RNF146: variants seen among roughly 807,000 people sequenced by gnomAD.
RNF146 encodes the protein E3 ubiquitin-protein ligase RNF146.
A neutral mutation model predicts 29.7 loss-of-function variants in RNF146; 11 were observed. That is an observed-to-expected ratio of 0.37 (90% CI 0.23 to 0.61). The LOEUF (loss-of-function observed/expected upper bound fraction) is 0.61. Ranked by LOEUF, RNF146 falls within the 20% of genes least tolerant of loss-of-function variation. The pLI, the probability that RNF146 is intolerant of heterozygous loss-of-function variation, is 0.66. For synonymous variants in RNF146, 150 were observed against 159.7 expected, an observed-to-expected ratio of 0.94 and a Z score of 0.46; for missense variants, 342 against 438.9, an observed-to-expected ratio of 0.78 and a Z score of 1.97.
intron 1 of RNF146, 125 bp from the exon 2 acceptor site, chr6:127,280,106 A>G: frequency 1.9e-6 from 1 of 516,538 alleles, no homozygotes; most frequent in South Asian, 2.7e-5. Context: ...AGCAGTGGTA[A>G]AAGCATGCAT....
intron 1 of RNF146, among the ~76,000 whole-genome samples, chr6:127,276,850 G>C (rs1778278065): frequency 1.3e-5 from 2 of 152,068 alleles, no homozygotes; most frequent in South Asian, 4.1e-4. Flanking sequence ...GTGTTTCTCA[G>C]ATTGTATTTG....
chr6:127,279,987 A>C (rs531622966), intron 1 of RNF146, among the ~76,000 whole-genome samples: 2 of 151,754 alleles, frequency 1.3e-5, no homozygotes, highest in South Asian at 4.1e-4. Flanking sequence ...ATTCTATGAG[A>C]TCTTCTATCT....
chr6:127,275,906 C>T (rs1402191423), intron 1 of RNF146, among the ~76,000 whole-genome samples: 2 of 151,998 alleles, frequency 1.3e-5, no homozygotes, highest in South Asian at 4.1e-4. Context: ...TAATTATTTA[C>T]AGTTTAGATC....
chr6:127,279,911 G>A (rs150733648), intron 1 of RNF146, among the ~76,000 whole-genome samples: 2 of 151,818 alleles, frequency 1.3e-5, no homozygotes, highest in African/African-American at 4.8e-5. Context: ...GAACACAACT[G>A]ATTTTTTTGT....
chr6:127,279,792 C>T (rs1778704997), intron 1 of RNF146, among the ~76,000 whole-genome samples: 1 of 151,732 alleles, frequency 6.6e-6, no homozygotes. Context: ...TGTACAAGTC[C>T]TTCACCTCCT....
chr6:127,283,257 G>T (rs1779129441), intron 2 of RNF146, among the ~76,000 whole-genome samples: 1 of 151,772 alleles, frequency 6.6e-6, no homozygotes, highest in Non-Finnish European at 1.5e-5. Context: ...GAAAGTAAAT[G>T]ATGTATTATA....
chr6:127,270,865 G>C (rs7773638), intron 1 of RNF146, among the ~76,000 whole-genome samples: 1 of 151,316 alleles, frequency 6.6e-6, no homozygotes, highest in Non-Finnish European at 1.5e-5. Context: ...CATTAGGCTG[G>C]AGTGCAGTGG....
chr6:127,287,349 T>C lies in RNF146; in HGVS notation c.736T>C (p.Ser246Pro), dbSNP rs1779656548. ...TGATGCAAGCACTTCTCTGGAAGAC[T>C]CTTTTGCTCATTTACAACTCAGTGG... Reference protein sequence around the residue: ...SPDASTSLEDSFAHLQLSGDN... With the variant: ...SPDASTSLEDPFAHLQLSGDN... The change falls in exon 3 of 3, where the codon TCT (serine) becomes CCT (proline). Residue 246 changes from serine (S) to proline (P), a missense_variant. Ser to Pro is a moderately conservative substitution (Grantham distance 74). Transcript: ENST00000368314. The C allele has an allele frequency of 6.2e-7, 1 of 1,613,490 alleles. No homozygotes were observed.
At position 127,288,359 on chromosome 6, in the gene RNF146, A is replaced by AAAAC. The variant is rs1449784122; in HGVS notation, c.*668_*671dup. 6.0e-6 allele frequency: 1 copy of AAAAC among 166,850 alleles called. No homozygotes were observed. Among genetic ancestry groups the AAAAC allele is most frequent in the Non-Finnish European group, 1.5e-5 (1 of 68,056 alleles). 10.3% of individuals were successfully genotyped at this position (166,850 alleles called of 1,614,324 possible). On this transcript the variant is annotated 3_prime_UTR_variant, in exon 3 of 3. Transcript: ENST00000368314. ...ATTTAATAAATACTAGAGTTTATCAAAAACAGTTTGTCTCTTGTTTGAGGG... is the reference window on the plus strand; with the variant it reads ...ATTTAATAAATACTAGAGTTTATCAAAAACAAACAGTTTGTCTCTTGTTTGAGGG...
chr6:127,286,765 C>T lies in RNF146; in HGVS notation c.152C>T (p.Pro51Leu). ...ACATGTGTTCATCCAGTCAGTCTGCCCTGTAAGCACGTTTTCTGCTATCTA... is the reference window on the plus strand; with the variant it reads ...ACATGTGTTCATCCAGTCAGTCTGCTCTGTAAGCACGTTTTCTGCTATCTA... ...LQTCVHPVSL[P>L]CKHVFCYLCV... Residue 51 changes from proline (P) to leucine (L), a missense_variant, in exon 3 of 3, where the codon CCC (proline) becomes CTC (leucine). Coordinates refer to ENST00000368314, the MANE Select transcript of RNF146 (RefSeq NM_001242850.2). The surrounding 1 kb of genome is among the most constrained non-coding windows in gnomAD (Gnocchi z 4.6). 1 of 1,613,276 alleles carries T rather than the reference C, an allele frequency of 6.2e-7. No individual in the cohort carries two copies. The highest frequency in any genetic ancestry group is 8.5e-7 in the Non-Finnish European group (1 of 1,179,570).
In RNF146 at chr6:127,286,659, C is replaced by T. The variant is rs1779558007; in HGVS notation, c.46C>T (p.Pro16Ser). ...GEIDHSINML[P>S]TNRKANESCS... Reference sequence around the variant, plus strand: ...AATTGATCATTCAATAAACATGCTTCCTACAAACAGGAAAGCGAACGAGTC... The same window carrying T: ...AATTGATCATTCAATAAACATGCTTTCTACAAACAGGAAAGCGAACGAGTC... The change falls in exon 3 of 3, where the codon CCT becomes TCT. Residue 16 changes from proline to serine, a missense_variant. This residue lies in a region of RNF146 where 39 missense variants were observed against 43.1 expected (regional missense o/e 0.90). Coordinates refer to ENST00000368314, the MANE Select transcript of RNF146 (RefSeq NM_001242850.2). The surrounding 1 kb of genome is among the most constrained non-coding windows in gnomAD (Gnocchi z 4.6). The T allele has an allele frequency of 6.2e-7, 1 of 1,612,738 alleles. No individual in the cohort carries two copies. The highest frequency in any genetic ancestry group is 1.3e-5 in the African/African-American group (1 of 74,914).
Position 127,286,630 on chromosome 6 carries a change from G to A in RNF146, c.17G>A (p.Gly6Asp). The A allele has an allele frequency of 1.2e-6, 2 of 1,607,716 alleles. No homozygotes were observed. The highest frequency in any genetic ancestry group is 1.7e-6 in the Non-Finnish European group (2 of 1,176,694). The change falls in exon 3 of 3, where the codon GGT (glycine) becomes GAT (aspartate). Residue 6 changes from glycine (G) to aspartate (D), a missense_variant. Coordinates refer to ENST00000368314, the MANE Select transcript of RNF146 (RefSeq NM_001242850.2). The surrounding 1 kb of genome is among the most constrained non-coding windows in gnomAD (Gnocchi z 4.6). ...TTTTTTCTTAGGATGGCTGGCTGTG[G>A]TGAAATTGATCATTCAATAAACATG... MMAGC[G>D]EIDHSINMLP... is the part of the protein sequence containing the mutation.
chr6:127,286,588 CTTTAATA>C lies in RNF146; in HGVS notation c.3-25_3-19del, dbSNP rs1779545942. The C allele has an allele frequency of 1.3e-6, 2 of 1,560,828 alleles. No individual in the cohort carries two copies. Among genetic ancestry groups the C allele is most frequent in the African/African-American group, 2.7e-5 (2 of 72,792 alleles). Reference sequence around the variant, plus strand: ...AGATATTGCAAGAATTAAAACATGACTTTAATATTATATGTATTTTTTCTTAGGATGG... The same window carrying C: ...AGATATTGCAAGAATTAAAACATGACTTATATGTATTTTTTCTTAGGATGG... On this transcript the variant is annotated intron_variant, in intron 2 of 2. Transcript: ENST00000368314. The surrounding 1 kb of genome is among the most constrained non-coding windows in gnomAD (Gnocchi z 4.6).
intron 1 of RNF146, among the ~76,000 whole-genome samples, chr6:127,278,611 T>C (rs1778545631): frequency 6.6e-6 from 1 of 152,056 alleles, no homozygotes; most frequent in Non-Finnish European, 1.5e-5. Context: ...TGTCCACCTT[T>C]TGCCTAATAT....
chr6:127,283,139 ACT>A (rs1190693812), intron 2 of RNF146, among the ~76,000 whole-genome samples: 1 of 151,530 alleles, frequency 6.6e-6, no homozygotes, highest in Non-Finnish European at 1.5e-5. Flanking sequence ...GTATTAATAG[ACT>A]CTTATTAGTC....
chr6:127,268,406 C>G (rs796826917), intron 1 of RNF146, among the ~76,000 whole-genome samples: 97 of 152,286 alleles, frequency 6.4e-4, no homozygotes, highest in African/African-American at 2.3e-3. Flanking sequence ...TTTGGCTTTG[C>G]TGTTTTATGA....
At position 127,287,111 on chromosome 6, in the gene RNF146, T is replaced by A; in HGVS notation, c.498T>A (p.Ile166=). Residue 166 remains isoleucine (I), a synonymous_variant, in exon 3 of 3, where the codon ATT becomes ATA. Transcript: ENST00000368314. ...RRNEHGRRRK[I]KRDIIDIPKK... ...ATGAACATGGACGTCGCAGGAAGAT[T>A]AAGCGAGATATAATAGATATACCAA... 9 of 1,613,312 alleles carry A rather than the reference T, an allele frequency of 5.6e-6. No homozygotes were observed. Among genetic ancestry groups the A allele is most frequent in the Non-Finnish European group, 5.9e-6 (7 of 1,179,610 alleles).
intron 1 of RNF146, among the ~76,000 whole-genome samples, chr6:127,271,952 T>C (rs1777559058): frequency 6.6e-6 from 1 of 152,306 alleles, no homozygotes; most frequent in South Asian, 2.1e-4. Context: ...CCCTGCCTCT[T>C]TTTATTATTA....
intron 2 of RNF146, among the ~76,000 whole-genome samples, chr6:127,281,818 A>G (rs1158839897): frequency 1.3e-5 from 2 of 151,672 alleles, no homozygotes; most frequent in African/African-American, 4.8e-5. Flanking sequence ...AGGGGACAGT[A>G]CTTACTAGAT....
Sources: allele counts gnomAD v4.1 joint callset (sites outside exome capture counted in the v4.1 genomes callset), GRCh38; gene constraint gnomAD v4.1.1; regional missense constraint gnomAD v4.1.1; non-coding constraint Gnocchi (gnomAD v3.1); transcripts MANE v1.5; gene names NCBI Gene and HGNC (gene_info 2026-07-23, HGNC 2026-07-21).